OXCT1: variants seen among roughly 807,000 people sequenced by gnomAD.
The protein encoded by OXCT1 is succinyl-CoA:3-ketoacid coenzyme A transferase 1, mitochondrial.
Under a neutral mutation model 69.6 loss-of-function variants are expected in OXCT1, and 27 were observed. That is an observed-to-expected ratio of 0.39 (90% confidence interval 0.29 to 0.54). OXCT1 has a LOEUF of 0.54. Among genes scored for constraint, OXCT1 ranks in the 20% least tolerant of loss-of-function variants. The pLI, the probability that OXCT1 is intolerant of heterozygous loss-of-function variation, is 0.72. For synonymous variants in OXCT1, 202 were observed against 217.8 expected (o/e 0.93, Z 0.64); for missense variants, 437 against 650.2 (o/e 0.67, Z 3.57).
intron 16 of OXCT1, among the ~76,000 whole-genome samples, chr5:41,732,439 A>G (rs537731030): frequency 1.3e-5 from 2 of 152,352 alleles, no homozygotes; most frequent in Admixed American, 1.3e-4. Flanking sequence ...AGTGACAATG[A>G]ATGTATATTT....
intron 5 of OXCT1, among the ~76,000 whole-genome samples, chr5:41,845,795 G>A (rs913954643): frequency 5.9e-5 from 9 of 152,090 alleles, no homozygotes; most frequent in South Asian, 2.1e-4. Context: ...TACTACTACA[G>A]TTCATTTTAA....
chr5:41,820,594 T>C (rs1222518629), intron 7 of OXCT1, among the ~76,000 whole-genome samples: 2 of 152,154 alleles, frequency 1.3e-5, no homozygotes, highest in Non-Finnish European at 2.9e-5. Flanking sequence ...TAATGAAATA[T>C]ATATTATAAC....
intron 9 of OXCT1, among the ~76,000 whole-genome samples, chr5:41,804,274 G>A (rs970107667): frequency 6.6e-5 from 10 of 152,002 alleles, no homozygotes; most frequent in African/African-American, 2.4e-4. Flanking sequence ...GGTGTTTTTA[G>A]GACAGAGCAA....
chr5:41,807,321 A>C lies in OXCT1; in HGVS notation c.840+10T>G, dbSNP rs1218498480. 3 of 1,357,006 alleles carry C rather than the reference A, an allele frequency of 2.2e-6. No individual in the cohort carries two copies. Among genetic ancestry groups the C allele is most frequent in the Non-Finnish European group, 3.2e-6 (3 of 946,024 alleles). The allele number at this position is 1,357,006 out of a possible 1,614,324, so 84.1% of individuals were successfully genotyped here. On this transcript the variant is annotated intron_variant, in intron 8 of 16. Transcript: ENST00000196371. The stretch of plus-strand genomic sequence containing the variant: ...TCCATGAATACTGACAAAGCAGCTA[A>C]GTCAATTACCTCAATTCTTTTCTCA...
intron 13 of OXCT1, among the ~76,000 whole-genome samples, chr5:41,791,573 A>G (rs1745918047): frequency 6.6e-6 from 1 of 152,234 alleles, no homozygotes; most frequent in Non-Finnish European, 1.5e-5. Context: ...TACATGCTAA[A>G]TCATAATATA....
At chr5:41,774,409 T>C (rs1231281540) in intron 13 of OXCT1, among the ~76,000 whole-genome samples, 1 of 152,216 alleles carries the variant, frequency 6.6e-6, no homozygotes, top group Non-Finnish European at 1.5e-5. Context: ...TATGTCGTTC[T>C]CTTATTAGAG....
At chr5:41,814,994 C>CCT (rs1219228125) in intron 7 of OXCT1, among the ~76,000 whole-genome samples, 8 of 152,116 alleles carry the variant, frequency 5.3e-5, no homozygotes, top group African/African-American at 1.9e-4. Flanking sequence ...AACAGTCCTT[C>CCT]CTCTCTACAA....
Position 41,850,181 on chromosome 5 carries a change from T to G in OXCT1, c.415-2A>C. 1 of 1,613,400 alleles carries G rather than the reference T, an allele frequency of 6.2e-7. No homozygotes were observed. Among genetic ancestry groups the G allele is most frequent in the Non-Finnish European group, 8.5e-7 (1 of 1,179,804 alleles). On this transcript the variant is annotated splice_acceptor_variant, in intron 4 of 16. Coordinates refer to ENST00000196371, the MANE Select transcript of OXCT1 (RefSeq NM_000436.4). LOFTEE classifies it high-confidence loss of function. ...ACGGATCCTCTCTGCAAGTGTGCCC[T>G]GCAAGTGAGCAACCAACACCCCATA...
intron 13 of OXCT1, among the ~76,000 whole-genome samples, chr5:41,769,452 G>A (rs1744774930): frequency 6.6e-6 from 1 of 151,892 alleles, no homozygotes; most frequent in Admixed American, 6.6e-5. Flanking sequence ...GGCCAGGTGT[G>A]GTAGCTCACA....
chr5:41,757,351 T>C (rs191041285), intron 14 of OXCT1, among the ~76,000 whole-genome samples: 83 of 152,178 alleles, frequency 5.5e-4, no homozygotes, highest in Admixed American at 1.7e-3. Flanking sequence ...AAATACTCCA[T>C]ACATCCCATG....
Position 41,756,909 on chromosome 5 carries a change from C to G in OXCT1, c.1338+5202G>C, listed in dbSNP as rs117108112. ...ATTCTTACGATGTTCTAGAAACTTT[C>G]AGGAAGTGAGTGAGGGTGAAGTTAA... On this transcript the variant is annotated intron_variant, in intron 14 of 16. Coordinates refer to ENST00000196371, the MANE Select transcript of OXCT1 (RefSeq NM_000436.4). Among the ~76,000 whole-genome samples, 87 of 152,096 alleles carry G rather than the reference C, an allele frequency of 5.7e-4. No individual in the cohort carries two copies. In the East Asian group the frequency reaches 0.015, roughly 26 times the overall value.
At chr5:41,840,300 T>C (rs1459713899) in intron 7 of OXCT1, 151 bp downstream of exon 7, 2 of 631,744 alleles carry the variant, frequency 3.2e-6, no homozygotes, top group Non-Finnish European at 5.6e-6. Flanking sequence ...TTAACTATTA[T>C]ATATTTAGAT....
In OXCT1 at chr5:41,794,676, C is replaced by A. The variant is rs556336929; in HGVS notation, c.1172+1G>T. The A allele has an allele frequency of 6.2e-7, 1 of 1,612,398 alleles. No homozygotes were observed. The highest frequency in any genetic ancestry group is 1.7e-5 in the Admixed American group (1 of 60,010). ...ACATGAGGGGCTCTGTTATTACATA[C>A]CCTCTAATCATTGCAAATGATTCAT... On this transcript the variant is annotated splice_donor_variant, in intron 12 of 16. Transcript: ENST00000196371. LOFTEE classifies it high-confidence loss of function.
intron 1 of OXCT1, among the ~76,000 whole-genome samples, chr5:41,869,053 C>A (rs1207729646): frequency 3.3e-5 from 5 of 152,202 alleles, no homozygotes; most frequent in African/African-American, 4.8e-5. Context: ...AGCTTCAGCA[C>A]CGCTGCAATC....
chr5:41,830,379 T>C (rs969180687), intron 7 of OXCT1, among the ~76,000 whole-genome samples: 3 of 152,228 alleles, frequency 2.0e-5, no homozygotes, highest in Non-Finnish European at 1.5e-5. Context: ...GTGTCAAGTG[T>C]TCAACTCAAC....
intron 14 of OXCT1, among the ~76,000 whole-genome samples, chr5:41,754,519 C>T (rs1032154602): frequency 6.6e-6 from 1 of 151,860 alleles, no homozygotes; most frequent in Non-Finnish European, 1.5e-5. Context: ...ATCTCATGTA[C>T]CCCATAAATA....
intron 7 of OXCT1, among the ~76,000 whole-genome samples, chr5:41,810,471 G>T (rs975344097): frequency 2.4e-4 from 37 of 152,112 alleles, no homozygotes; most frequent in African/African-American, 8.4e-4. Context: ...ACTTCTCCAT[G>T]GCACTATGAA....
Position 41,762,089 on chromosome 5 carries a change from TG to T in OXCT1, c.1338+21del. On this transcript the variant is annotated intron_variant, in intron 14 of 16. Coordinates refer to ENST00000196371, the MANE Select transcript of OXCT1 (RefSeq NM_000436.4). The surrounding 1 kb of genome is among the most constrained non-coding windows in gnomAD (Gnocchi z 4.0). The stretch of plus-strand genomic sequence containing the variant: ...ATTGCAAATTTCCAAAAGCAGTATT[TG>T]GGGAGCACAGTACATGTTACCTTTG... 6.5e-7 allele frequency: 1 copy of T among 1,546,874 alleles called. No individual in the cohort carries two copies.
intron 5 of OXCT1, among the ~76,000 whole-genome samples, chr5:41,845,635 T>C (rs557765664): frequency 6.6e-6 from 1 of 152,204 alleles, no homozygotes; most frequent in South Asian, 2.1e-4. Flanking sequence ...CAGACAAAAT[T>C]AAAAAACTAC....
Sources: gnomAD v4.1 joint callset for allele counts (sites outside exome capture counted in the v4.1 genomes callset) on GRCh38, gnomAD v4.1.1 for gene constraint, Gnocchi (gnomAD v3.1) non-coding constraint, MANE v1.5 for transcripts, NCBI Gene and HGNC (gene_info 2026-07-23, HGNC 2026-07-21) for gene names.